SKA1: variants seen among roughly 807,000 people sequenced by gnomAD.
SKA1 encodes spindle and kinetochore associated complex subunit 1.
SKA1 carries 20 observed loss-of-function variants against 31.8 expected under a neutral mutation model. The ratio of observed to expected loss-of-function variants is 0.63; its 90% CI spans 0.44 to 0.91. The LOEUF is 0.91. Among genes scored for constraint, SKA1 ranks in the 40% least tolerant of loss-of-function variants. SKA1 has a pLI of 0.00. For missense variants in SKA1, 253 were observed against 298.2 expected (o/e 0.85, Z 1.12); for synonymous variants, 88 against 100.5 (o/e 0.88, Z 0.74).
At chr18:50,375,669 T>G (rs1183207545) in intron 1 of SKA1, among the ~76,000 whole-genome samples, 151 bp from the exon 2 acceptor site, 1 of 152,234 alleles carries the variant, frequency 6.6e-6, no homozygotes, top group East Asian at 1.9e-4. Flanking sequence ...AACTGAATGT[T>G]GTAGAAATGA....
chr18:50,377,493 G>A (rs1032627622), intron 2 of SKA1, among the ~76,000 whole-genome samples: 11 of 152,214 alleles, frequency 7.2e-5, no homozygotes, highest in African/African-American at 1.9e-4. Flanking sequence ...AATTGAAAAT[G>A]AAATAAATTA....
At position 50,392,350 on chromosome 18, in the gene SKA1, TC is replaced by T. The variant is rs1210607895; in HGVS notation, c.*105del. ...TTTTTAACTTTTAATCTTTTTTGTT[TC>T]CTTTTTTTTTTTTTTGAGACAGGAT... On this transcript the variant is annotated 3_prime_UTR_variant, in exon 7 of 7. Transcript: ENST00000285116. 1.4e-5 allele frequency: 11 copies of T among 790,436 alleles called. No individual in the cohort carries two copies. The African/African-American group carries it at 1.7e-4, about 12-fold the overall frequency. 49.0% of individuals were successfully genotyped at this position (790,436 alleles called of 1,614,324 possible). A position where few individuals can be genotyped will look rare whatever the true frequency, so the allele number is the denominator to read the frequency against.
chr18:50,379,661 T>C (rs2041248141), intron 2 of SKA1, among the ~76,000 whole-genome samples: 1 of 152,148 alleles, frequency 6.6e-6, no homozygotes, highest in Non-Finnish European at 1.5e-5. Flanking sequence ...ATATATTCAA[T>C]TGCTGAGATT....
chr18:50,387,848 TC>T (rs1366712128), intron 5 of SKA1, among the ~76,000 whole-genome samples: 1 of 152,258 alleles, frequency 6.6e-6, no homozygotes, highest in Non-Finnish European at 1.5e-5. Context: ...AAAATCTCTG[TC>T]ATTTCTCAAT....
intron 5 of SKA1, among the ~76,000 whole-genome samples, chr18:50,388,826 T>C (rs2041332149): frequency 6.6e-6 from 1 of 151,826 alleles, no homozygotes; most frequent in Non-Finnish European, 1.5e-5. Flanking sequence ...TTTTAAAAAC[T>C]TGGGGGGAAG....
Position 50,380,262 on chromosome 18 carries a change from C to G in SKA1, c.213+12C>G. On this transcript the variant is annotated intron_variant, in intron 3 of 6. Coordinates refer to ENST00000285116, the MANE Select transcript of SKA1 (RefSeq NM_145060.4). ...ACAATTCACTCAAGGTAATGTTTCTCTAATGAGGAAGCAGTAAAAAAGACA... is the reference window on the plus strand; with the variant it reads ...ACAATTCACTCAAGGTAATGTTTCTGTAATGAGGAAGCAGTAAAAAAGACA... 1 of 1,538,894 alleles carries G rather than the reference C, an allele frequency of 6.5e-7. No individual in the cohort carries two copies. Among genetic ancestry groups the G allele is most frequent in the Non-Finnish European group, 8.7e-7 (1 of 1,153,570 alleles).
At chr18:50,375,960 C>T in intron 2 of SKA1, 42 bp downstream of exon 2, 2 of 1,255,820 alleles carry the variant, frequency 1.6e-6, no homozygotes, top group Non-Finnish European at 2.3e-6. Flanking sequence ...ATACAAAATG[C>T]ATTTTGATTA....
chr18:50,380,042 A>C, intron 2 of SKA1, 84 bp from the exon 3 acceptor site: 4 of 1,160,726 alleles, frequency 3.4e-6, no homozygotes, highest in Non-Finnish European at 4.7e-6. Flanking sequence ...AGGTACAGCT[A>C]TCTATTCTAA....
intron 2 of SKA1, among the ~76,000 whole-genome samples, chr18:50,379,731 C>T (rs2041248519): frequency 6.6e-6 from 1 of 151,910 alleles, no homozygotes; most frequent in African/African-American, 2.4e-5. Context: ...GCAGCCTCAG[C>T]TCACACACCC....
At chr18:50,384,908 A>G (rs1176789978) in intron 4 of SKA1, among the ~76,000 whole-genome samples, 1 of 146,764 alleles carries the variant, frequency 6.8e-6, no homozygotes, top group Non-Finnish European at 1.5e-5. Flanking sequence ...AAAAAAAAAG[A>G]GAAGCTATTA....
chr18:50,375,825 T>A lies in SKA1; in HGVS notation c.-6T>A, dbSNP rs367597351. On this transcript the variant is annotated 5_prime_UTR_variant, in exon 2 of 7. Coordinates refer to ENST00000285116, the MANE Select transcript of SKA1 (RefSeq NM_145060.4). ...GTTTATGTTTTTTTCTTCAGAGGCT[T>A]AAAGGATGGCCTCGTCAGATCTGGA... 10 of 1,589,794 alleles carry A rather than the reference T, an allele frequency of 6.3e-6. No individual in the cohort carries two copies. The highest frequency in any genetic ancestry group is 8.6e-6 in the Non-Finnish European group (10 of 1,169,044).
At chr18:50,385,423 AATTAT>A (rs1478531491) in intron 5 of SKA1, 70 bp downstream of exon 5, 13 of 1,243,546 alleles carry the variant, frequency 1.0e-5, no homozygotes, top group Non-Finnish European at 1.4e-5. Context: ...AATAAAGCTT[AATTAT>A]ATTAATTGTA....
At chr18:50,376,930 G>A (rs2041221807) in intron 2 of SKA1, among the ~76,000 whole-genome samples, 1 of 151,512 alleles carries the variant, frequency 6.6e-6, no homozygotes. Context: ...TTCACATCTT[G>A]TTCCACTAGA....
chr18:50,391,341 A>G lies in SKA1; in HGVS notation c.619+48A>G, dbSNP rs2041355201. 2.2e-6 allele frequency: 3 copies of G among 1,364,352 alleles called. No individual in the cohort carries two copies. The South Asian group carries it at 6.3e-5, about 28-fold the overall frequency. The allele number at this position is 1,364,352 out of a possible 1,614,324, so 84.5% of individuals were successfully genotyped here. On this transcript the variant is annotated intron_variant, in intron 6 of 6. Coordinates refer to ENST00000285116, the MANE Select transcript of SKA1 (RefSeq NM_145060.4). ...TGTACATGTGAACTGTTCAGAGTAT[A>G]ACTAAATCACGAGAAATGTAGCTAG...
intron 5 of SKA1, among the ~76,000 whole-genome samples, chr18:50,390,907 T>C (rs2041351566): frequency 6.6e-6 from 1 of 152,248 alleles, no homozygotes; most frequent in African/African-American, 2.4e-5. Context: ...AGGTAAACAA[T>C]AGAGGTTAAT....
At chr18:50,382,749 G>T (rs2041273174) in intron 4 of SKA1, among the ~76,000 whole-genome samples, 1 of 152,182 alleles carries the variant, frequency 6.6e-6, no homozygotes, top group South Asian at 2.1e-4. Flanking sequence ...AATAGCTAAA[G>T]AGGCTGGGCA....
chr18:50,386,622 G>A (rs1378368247), intron 5 of SKA1, among the ~76,000 whole-genome samples: 1 of 151,956 alleles, frequency 6.6e-6, no homozygotes, highest in African/African-American at 2.4e-5. Context: ...ACCATCTATG[G>A]GTTTTGACAA....
At chr18:50,391,821 C>T (rs1015465406) in intron 6 of SKA1, among the ~76,000 whole-genome samples, 1 of 152,200 alleles carries the variant, frequency 6.6e-6, no homozygotes, top group Non-Finnish European at 1.5e-5. Context: ...AATGATAACA[C>T]TGTTACGGGT....
chr18:50,376,496 C>T (rs1054445082), intron 2 of SKA1, among the ~76,000 whole-genome samples: 1 of 152,288 alleles, frequency 6.6e-6, no homozygotes, highest in South Asian at 2.1e-4. Flanking sequence ...AAAAATGGAA[C>T]ACCTGTATAG....
Sources: gnomAD v4.1 joint callset for allele counts (sites outside exome capture counted in the v4.1 genomes callset) on GRCh38, gnomAD v4.1.1 for gene constraint, MANE v1.5 for transcripts, NCBI Gene and HGNC (gene_info 2026-07-23, HGNC 2026-07-21) for gene names.